Variants in NFIA observed in about 807,000 individuals in gnomAD.
NFIA encodes nuclear factor I A.
In NFIA, 8 loss-of-function variants were observed where a neutral mutation model predicts 62.8. That is an observed-to-expected ratio of 0.13 (90% CI 0.07 to 0.23). The LOEUF is 0.23. NFIA is among the 10% of genes least tolerant of loss of function. The pLI is 1.00. For missense variants in NFIA, 410 were observed against 642.1 expected, an observed-to-expected ratio of 0.64 and a Z score of 3.91; for synonymous variants, 235 against 238.1, an observed-to-expected ratio of 0.99 and a Z score of 0.12.
At chr1:61,116,016 TG>T (rs112036829) in intron 2 of NFIA, among the ~76,000 whole-genome samples, 6 of 51,730 alleles carry the variant, frequency 1.2e-4, no homozygotes, top group Admixed American at 3.0e-4. Flanking sequence ...CCATGTCTTC[TG>T]TTTTTTTTTT....
chr1:61,332,604 T>G lies in NFIA; in HGVS notation c.700+18T>G. On this transcript the variant is annotated intron_variant, in intron 4 of 10. Transcript: ENST00000403491. ...GTCACAGAGTAAGTATAATTTTGCT[T>G]TGATTTGGTACAGATTTGCCTTGGT... The G allele has an allele frequency of 6.2e-7, 1 of 1,610,270 alleles. No homozygotes were observed. Among genetic ancestry groups the G allele is most frequent in the East Asian group, 2.2e-5 (1 of 44,828 alleles).
chr1:61,274,545 A>G (rs1463732473), intron 2 of NFIA, among the ~76,000 whole-genome samples: 1 of 152,190 alleles, frequency 6.6e-6, no homozygotes, highest in Non-Finnish European at 1.5e-5. Context: ...AAGAACATCC[A>G]GTTCTATGCA....
chr1:61,166,886 A>G (rs1649602833), intron 2 of NFIA, among the ~76,000 whole-genome samples: 1 of 152,238 alleles, frequency 6.6e-6, no homozygotes, highest in South Asian at 2.1e-4. Flanking sequence ...TCACGCCTGT[A>G]ATCCCAACAC....
chr1:61,259,112 G>C (rs950988856), intron 2 of NFIA, among the ~76,000 whole-genome samples: 2 of 152,100 alleles, frequency 1.3e-5, no homozygotes, highest in African/African-American at 4.8e-5. Context: ...ATTTTTGTTG[G>C]TTTATATTTC....
Position 61,352,465 on chromosome 1 carries a change from G to A in NFIA, c.716G>A (p.Gly239Glu). 1.2e-6 allele frequency: 2 copies of A among 1,613,632 alleles called. No homozygotes were observed. Among genetic ancestry groups the A allele is most frequent in the Non-Finnish European group, 1.7e-6 (2 of 1,179,716 alleles). Reference sequence around the variant, plus strand: ...TTAATTCTAGCACCAATAGCTGCAGGAACTGGCCCAAATTTTTCTCTCTCA... The same window carrying A: ...TTAATTCTAGCACCAATAGCTGCAGAAACTGGCCCAAATTTTTCTCTCTCA... Reference protein sequence around the residue: ...VRVSQTPIAAGTGPNFSLSDL... With the variant: ...VRVSQTPIAAETGPNFSLSDL... The change falls in exon 5 of 11, where the codon GGA becomes GAA. Residue 239 changes from glycine to glutamate, a missense_variant. Physicochemically the swap from Gly to Glu is moderately conservative, Grantham distance 98. This residue lies in a region of NFIA where 298 missense variants were observed against 438.1 expected (regional missense o/e 0.68). Coordinates refer to ENST00000403491, the MANE Select transcript of NFIA (RefSeq NM_001134673.4).
intron 7 of NFIA, among the ~76,000 whole-genome samples, chr1:61,397,553 T>C (rs1462324621): frequency 1.3e-5 from 2 of 152,148 alleles, no homozygotes; most frequent in Non-Finnish European, 2.9e-5. Context: ...GATAGTACTA[T>C]CATACTACAA....
chr1:61,170,789 A>G (rs1294715936), intron 2 of NFIA, among the ~76,000 whole-genome samples: 1 of 152,248 alleles, frequency 6.6e-6, no homozygotes, highest in Non-Finnish European at 1.5e-5. Context: ...ACGGCTGGAC[A>G]CTTATCACAA....
intron 3 of NFIA, among the ~76,000 whole-genome samples, chr1:61,297,614 T>C (rs1044413072): frequency 2.0e-5 from 3 of 152,172 alleles, no homozygotes; most frequent in African/African-American, 7.2e-5. Flanking sequence ...ATTTATTGAG[T>C]GTCTGCTGTG....
intron 2 of NFIA, among the ~76,000 whole-genome samples, chr1:61,206,353 A>G (rs1053772479): frequency 2.6e-5 from 4 of 152,176 alleles, no homozygotes; most frequent in African/African-American, 9.7e-5. Flanking sequence ...TTTCTGCAAC[A>G]CTTTTACTGT....
chr1:61,190,746 T>C (rs1651559861), intron 2 of NFIA, among the ~76,000 whole-genome samples: 2 of 152,216 alleles, frequency 1.3e-5, no homozygotes, highest in South Asian at 4.1e-4. Flanking sequence ...TTGAATAACA[T>C]ACATTCACTC....
intron 6 of NFIA, among the ~76,000 whole-genome samples, chr1:61,366,087 T>A (rs540104175): frequency 1.3e-5 from 2 of 152,286 alleles, no homozygotes; most frequent in African/African-American, 4.8e-5. Flanking sequence ...ATTGTTAGTA[T>A]ATATAAATTT....
intron 2 of NFIA, among the ~76,000 whole-genome samples, chr1:61,180,655 T>C (rs998273281): frequency 1.1e-4 from 17 of 152,258 alleles, no homozygotes; most frequent in African/African-American, 4.1e-4. Context: ...AAAAAAGTTA[T>C]TTAGGCCCAT....
In NFIA at chr1:61,456,800, A is replaced by AAAC. The variant is rs1668323948; in HGVS notation, c.*1482_*1483insCAA. 7.0e-6 allele frequency: 1 copy of AAAC among 142,250 alleles called. No individual in the cohort carries two copies. The highest frequency in any genetic ancestry group is 2.9e-5 in the African/African-American group (1 of 34,726). 8.8% of individuals were successfully genotyped at this position (142,250 alleles called of 1,614,324 possible). ...CCAAACGTCCTGTATCTTATGAAAA[A>AAAC]AAAAACAAAAAACAAAAACAAAAAA... On this transcript the variant is annotated 3_prime_UTR_variant, in exon 11 of 11. Transcript: ENST00000403491.
intron 4 of NFIA, among the ~76,000 whole-genome samples, chr1:61,336,435 C>T (rs1334627358): frequency 6.6e-6 from 1 of 152,034 alleles, no homozygotes; most frequent in Admixed American, 6.6e-5. Context: ...CCCGTATACC[C>T]CTCCTCCAAA....
chr1:61,318,554 TG>T (rs1300795362), intron 3 of NFIA, among the ~76,000 whole-genome samples: 1 of 152,198 alleles, frequency 6.6e-6, no homozygotes, highest in African/African-American at 2.4e-5. Context: ...TATGTGAGCT[TG>T]GCAGACGCTC....
intron 2 of NFIA, among the ~76,000 whole-genome samples, chr1:61,133,255 G>A (rs967394098): frequency 3.3e-5 from 5 of 151,368 alleles, no homozygotes; most frequent in South Asian, 4.2e-4. Flanking sequence ...AGGAAGGGAG[G>A]CGGGAGTGGC....
Position 61,178,423 on chromosome 1 carries a change from G to A in NFIA, c.559+89743G>A, listed in dbSNP as rs77255436. Among the ~76,000 whole-genome samples the A allele has an allele frequency of 3.1e-3, 467 of 152,188 alleles. 4 individuals carry two copies. The South Asian group carries it at 0.032, about 10-fold the overall frequency. ...ACTAAGTGCCTAGGCTATATGCTAGGTGCTTTTCCAAATGCCTTAAAAAAC... is the reference window on the plus strand; with the variant it reads ...ACTAAGTGCCTAGGCTATATGCTAGATGCTTTTCCAAATGCCTTAAAAAAC... On this transcript the variant is annotated intron_variant, in intron 2 of 10. Transcript: ENST00000403491.
intron 6 of NFIA, among the ~76,000 whole-genome samples, chr1:61,367,529 T>TA (rs985490977): frequency 6.6e-6 from 1 of 152,164 alleles, no homozygotes; most frequent in Non-Finnish European, 1.5e-5. Context: ...ACCTGCCCAT[T>TA]AGAGACTGGT....
At chr1:61,337,941 A>C (rs1438167072) in intron 4 of NFIA, among the ~76,000 whole-genome samples, 1 of 151,972 alleles carries the variant, frequency 6.6e-6, no homozygotes, top group East Asian at 1.9e-4. Context: ...CAAATTGCTG[A>C]CTCTATTTTA....
Sources: gnomAD v4.1 joint callset for allele counts (sites outside exome capture counted in the v4.1 genomes callset) on GRCh38, gnomAD v4.1.1 for gene constraint, gnomAD v4.1.1 regional missense constraint, MANE v1.5 for transcripts, NCBI Gene and HGNC (gene_info 2026-07-23, HGNC 2026-07-21) for gene names.